DCC: variants seen among roughly 807,000 people sequenced by gnomAD.
DCC encodes DCC netrin 1 receptor.
Under a neutral mutation model 172.5 loss-of-function variants are expected in DCC, and 58 were observed. The ratio of observed to expected loss-of-function variants is 0.34; its 90% CI spans 0.27 to 0.42. The LOEUF is 0.42. Among genes scored for constraint, DCC ranks in the 10% least tolerant of loss-of-function variants. DCC has a pLI of 1.00. For synonymous variants in DCC, 709 were observed against 644.5 expected (o/e 1.10, Z -1.52); for missense variants, 1,740 against 1,791.0 (o/e 0.97, Z 0.51).
intron 1 of DCC, among the ~76,000 whole-genome samples, chr18:52,412,498 A>G (rs1333606095): frequency 6.6e-6 from 1 of 152,198 alleles, no homozygotes; most frequent in Admixed American, 6.6e-5. Flanking sequence ...TTATATAGGC[A>G]TGTATTTATA....
chr18:52,500,089 G>C (rs1164902802), intron 1 of DCC, among the ~76,000 whole-genome samples: 1 of 151,090 alleles, frequency 6.6e-6, no homozygotes, highest in African/African-American at 2.4e-5. Context: ...ATACAGTGCT[G>C]TTCTGGAAAC....
intron 5 of DCC, among the ~76,000 whole-genome samples, chr18:52,964,624 C>A (rs2040899262): frequency 6.6e-6 from 1 of 152,114 alleles, no homozygotes; most frequent in Non-Finnish European, 1.5e-5. Context: ...GATCTGAAAT[C>A]ACCAGAGATT....
intron 2 of DCC, among the ~76,000 whole-genome samples, chr18:52,784,727 A>G (rs78544169): frequency 6.6e-6 from 1 of 151,940 alleles, no homozygotes; most frequent in East Asian, 1.9e-4. Flanking sequence ...AGAAATGTCT[A>G]TTCAGATCGT....
intron 12 of DCC, among the ~76,000 whole-genome samples, chr18:53,262,974 T>G (rs538297703): frequency 6.6e-6 from 1 of 152,330 alleles, no homozygotes; most frequent in East Asian, 1.9e-4. Context: ...ATCTGTAGAT[T>G]TATTGGTCTT....
intron 22 of DCC, among the ~76,000 whole-genome samples, chr18:53,440,025 A>G (rs1057219885): frequency 1.3e-5 from 2 of 152,012 alleles, no homozygotes; most frequent in African/African-American, 4.8e-5. Flanking sequence ...TCGGCCTCCC[A>G]AAGTGCTGGG....
At chr18:53,163,543 A>G (rs2054874205) in intron 8 of DCC, among the ~76,000 whole-genome samples, 2 of 152,296 alleles carry the variant, frequency 1.3e-5, no homozygotes, top group South Asian at 4.2e-4. Context: ...CAGATTAGCA[A>G]TAACTTTGTC....
intron 1 of DCC, among the ~76,000 whole-genome samples, chr18:52,657,421 C>T (rs2035277394): frequency 1.3e-5 from 2 of 152,134 alleles, no homozygotes; most frequent in Non-Finnish European, 2.9e-5. Flanking sequence ...CTGAGGGGCC[C>T]CTTAGGAGAG....
intron 1 of DCC, among the ~76,000 whole-genome samples, chr18:52,679,705 T>C (rs2035710060): frequency 6.6e-6 from 1 of 152,150 alleles, no homozygotes; most frequent in Non-Finnish European, 1.5e-5. Flanking sequence ...AGTTTCAGTT[T>C]AATCATTGCT....
intron 1 of DCC, among the ~76,000 whole-genome samples, chr18:52,399,610 T>G (rs752783844): frequency 4.6e-5 from 7 of 151,984 alleles, no homozygotes; most frequent in Non-Finnish European, 8.8e-5. Flanking sequence ...GTTGAATCTC[T>G]GCTTCATCCT....
intron 13 of DCC, among the ~76,000 whole-genome samples, chr18:53,319,285 G>A (rs1045741882): frequency 2.0e-5 from 3 of 152,016 alleles, no homozygotes; most frequent in Non-Finnish European, 4.4e-5. Context: ...ATGTAAGTAG[G>A]CTAAATGCCC....
At chr18:53,207,274 G>A (rs1472881462) in intron 10 of DCC, among the ~76,000 whole-genome samples, 2 of 151,982 alleles carry the variant, frequency 1.3e-5, no homozygotes, top group African/African-American at 2.4e-5. Flanking sequence ...AAGAGCTGTG[G>A]GTATATTTCA....
At chr18:53,376,126 G>C (rs75681025) in intron 15 of DCC, among the ~76,000 whole-genome samples, 1 of 152,048 alleles carries the variant, frequency 6.6e-6, no homozygotes, top group African/African-American at 2.4e-5. Flanking sequence ...ACGCGGTGAC[G>C]TGTGGCTGTA....
intron 1 of DCC, among the ~76,000 whole-genome samples, chr18:52,606,765 A>T (rs1229524898): frequency 6.6e-6 from 1 of 152,146 alleles, no homozygotes; most frequent in Non-Finnish European, 1.5e-5. Flanking sequence ...GACTTTGCAG[A>T]TAGATTATGA....
chr18:52,583,047 A>G (rs926190845), intron 1 of DCC, among the ~76,000 whole-genome samples: 1 of 152,156 alleles, frequency 6.6e-6, no homozygotes, highest in Non-Finnish European at 1.5e-5. Flanking sequence ...AAATTCAAAT[A>G]GGGACCTCTT....
chr18:53,170,516 T>G (rs1208407386), intron 8 of DCC, among the ~76,000 whole-genome samples: 1 of 152,236 alleles, frequency 6.6e-6, no homozygotes, highest in African/African-American at 2.4e-5. Context: ...CATTAAGTTA[T>G]GTCCTCAGAT....
chr18:53,142,542 C>T (rs558061016), intron 7 of DCC, among the ~76,000 whole-genome samples: 38 of 152,300 alleles, frequency 2.5e-4, no homozygotes, highest in African/African-American at 8.9e-4. Context: ...GTGCTAACCA[C>T]ATTAGCGCTG....
intron 5 of DCC, among the ~76,000 whole-genome samples, chr18:53,001,640 C>G (rs536193919): frequency 3.9e-5 from 6 of 152,070 alleles, no homozygotes; most frequent in Non-Finnish European, 8.8e-5. Context: ...ATAAATTTCT[C>G]TGGGTTATTT....
chr18:53,063,740 T>C, intron 6 of DCC: 1 of 363,536 alleles, frequency 2.8e-6, no homozygotes, highest in Non-Finnish European at 5.1e-6. Context: ...TATTTCTGAG[T>C]AGTTTCACAG....
At chr18:53,136,203 A>ATCTATCTATCTATCTG (rs1282220656) in intron 7 of DCC, among the ~76,000 whole-genome samples, 2 of 144,868 alleles carry the variant, frequency 1.4e-5, no homozygotes, top group African/African-American at 5.4e-5. Context: ...TTATCTATCT[A>ATCTATCTATCTATCTG]TCTATCTATA....
Sources: allele counts gnomAD v4.1 joint callset (sites outside exome capture counted in the v4.1 genomes callset), GRCh38; gene constraint gnomAD v4.1.1; transcripts MANE v1.5; gene names NCBI Gene and HGNC (gene_info 2026-07-23, HGNC 2026-07-21).